MAF: variants seen among roughly 807,000 people sequenced by gnomAD.
The protein encoded by MAF is transcription factor Maf.
In MAF, 10 loss-of-function variants were observed where a neutral mutation model predicts 22.0. The ratio of observed to expected loss-of-function variants is 0.45; its 90% CI spans 0.28 to 0.77. The LOEUF (loss-of-function observed/expected upper bound fraction) is 0.77. Ranked by LOEUF, MAF falls within the 30% of genes least tolerant of loss-of-function variation. MAF has a pLI of 0.12. For synonymous variants in MAF, 337 were observed against 255.8 expected, an observed-to-expected ratio of 1.32 and a Z score of -3.03; for missense variants, 544 against 548.4, an observed-to-expected ratio of 0.99 and a Z score of 0.08.
the MAF span, among the ~76,000 whole-genome samples, chr16:79,214,842 C>T: frequency 6.7e-6 from 1 of 149,220 alleles, no homozygotes; most frequent in Non-Finnish European, 1.5e-5. Flanking sequence ...TTCAGAGTAG[C>T]TGGGATTACA....
At chr16:79,565,222 G>A in the MAF span, among the ~76,000 whole-genome samples, 4 of 152,068 alleles carry the variant, frequency 2.6e-5, no homozygotes, top group Non-Finnish European at 5.9e-5. Flanking sequence ...AGTTGAACCC[G>A]GCCCAATTAC....
At chr16:79,321,673 C>T in the MAF span, among the ~76,000 whole-genome samples, 29,586 of 115,082 alleles carry the variant, frequency 0.26, 4,312 homozygotes, top group Middle Eastern at 0.37. Context: ...TTTTTTGAGA[C>T]GGAGTCTCGC....
the MAF span, among the ~76,000 whole-genome samples, chr16:79,320,163 G>A: frequency 6.6e-6 from 1 of 152,148 alleles, no homozygotes. Flanking sequence ...TGCATATGTG[G>A]ATTTTCTTTG....
At chr16:79,485,076 T>C in the MAF span, among the ~76,000 whole-genome samples, 1 of 152,196 alleles carries the variant, frequency 6.6e-6, no homozygotes, top group Non-Finnish European at 1.5e-5. Flanking sequence ...AAAATTAACC[T>C]GATAAATAAG....
the MAF span, among the ~76,000 whole-genome samples, chr16:79,428,052 A>G: frequency 4.2e-5 from 6 of 141,794 alleles, no homozygotes; most frequent in East Asian, 2.3e-4. Context: ...AGATCGCGCC[A>G]CTGCACTCTA....
the MAF span, among the ~76,000 whole-genome samples, chr16:79,494,753 C>T: frequency 1.6e-4 from 25 of 152,176 alleles, no homozygotes; most frequent in South Asian, 2.5e-3. Flanking sequence ...ATGCAGATCC[C>T]GTAGATGAAG....
the MAF span, among the ~76,000 whole-genome samples, chr16:79,300,804 GTTTT>G: frequency 6.6e-6 from 1 of 151,354 alleles, no homozygotes; most frequent in Non-Finnish European, 1.5e-5. Flanking sequence ...TTTGTGTTCA[GTTTT>G]TTTATTGTTT....
the MAF span, among the ~76,000 whole-genome samples, chr16:79,487,489 G>A: frequency 2.6e-5 from 4 of 151,994 alleles, no homozygotes; most frequent in African/African-American, 9.7e-5. Flanking sequence ...TTAAGTAAAA[G>A]AACCTAAATG....
chr16:79,477,581 G>C, the MAF span, among the ~76,000 whole-genome samples: 1 of 152,142 alleles, frequency 6.6e-6, no homozygotes, highest in Admixed American at 6.5e-5. Flanking sequence ...AACACTTAGA[G>C]CCTTAACATT....
the MAF span, among the ~76,000 whole-genome samples, chr16:79,550,851 C>T: frequency 1.1e-4 from 16 of 151,948 alleles, no homozygotes; most frequent in Non-Finnish European, 1.6e-4. Flanking sequence ...ACCCAGAGGA[C>T]CCCCAGGGAG....
At chr16:79,519,795 G>A in the MAF span, among the ~76,000 whole-genome samples, 12 of 152,378 alleles carry the variant, frequency 7.9e-5, no homozygotes, top group East Asian at 5.8e-4. Context: ...TGTTCACAGC[G>A]CAGGTAGCCA....
chr16:79,595,878 T>C (rs1248777918), intron 1 of MAF: 4 of 1,058,800 alleles, frequency 3.8e-6, no homozygotes, highest in Non-Finnish European at 3.4e-6. Context: ...AAGTAAGGAG[T>C]GGATTTTCTT....
the MAF span, among the ~76,000 whole-genome samples, chr16:79,367,202 T>C: frequency 6.6e-6 from 1 of 152,196 alleles, no homozygotes; most frequent in Non-Finnish European, 1.5e-5. Flanking sequence ...TTTCTGTCAA[T>C]TCTATGGGTG....
chr16:79,528,815 C>G, the MAF span, among the ~76,000 whole-genome samples: 2 of 152,282 alleles, frequency 1.3e-5, no homozygotes, highest in East Asian at 3.9e-4. Flanking sequence ...TATTTACAAT[C>G]ACTAACTACT....
chr16:79,517,550 T>C, the MAF span, among the ~76,000 whole-genome samples: 1 of 150,338 alleles, frequency 6.7e-6, no homozygotes, highest in Non-Finnish European at 1.5e-5. Context: ...GAGTGAGGTT[T>C]TGAGTGGACT....
chr16:79,517,843 G>A, the MAF span, among the ~76,000 whole-genome samples: 3 of 152,226 alleles, frequency 2.0e-5, no homozygotes, highest in Admixed American at 2.0e-4. Flanking sequence ...CCAAAGTGCT[G>A]GAATTACAGG....
At chr16:79,482,681 T>C in the MAF span, among the ~76,000 whole-genome samples, 1 of 152,064 alleles carries the variant, frequency 6.6e-6, no homozygotes, top group African/African-American at 2.4e-5. Flanking sequence ...TGCCCCAGGA[T>C]GGGGTGGTGG....
At chr16:79,441,500 G>A in the MAF span, among the ~76,000 whole-genome samples, 1 of 152,066 alleles carries the variant, frequency 6.6e-6, no homozygotes, top group African/African-American at 2.4e-5. Context: ...GAATACATGG[G>A]GTGGCTGTAT....
In MAF at chr16:79,599,448, C is replaced by T; in HGVS notation, c.455G>A (p.Gly152Asp). Reference sequence around the variant, plus strand: ...GGCGGGGCCCATCTCCTCGCCGCTGCCGCCCAAGGAGGCGCCGGCACCGGC... The same window carrying T: ...GGCGGGGCCCATCTCCTCGCCGCTGTCGCCCAAGGAGGCGCCGGCACCGGC... ...AGAGAGASLGGSGEEMGPAAA... is the reference protein window; with the variant it reads ...AGAGAGASLGDSGEEMGPAAA... The change falls in exon 1 of 2, where the codon GGC becomes GAC. Residue 152 changes from glycine (G) to aspartate (D), a missense_variant. This residue lies in a region of MAF where 342 missense variants were observed against 315.5 expected (regional missense o/e 1.08). Coordinates refer to ENST00000326043, the MANE Select transcript of MAF (RefSeq NM_005360.5). The T allele has an allele frequency of 7.9e-7, 1 of 1,259,584 alleles. No homozygotes were observed. Among genetic ancestry groups the T allele is most frequent in the East Asian group, 3.2e-5 (1 of 31,222 alleles). The allele number at this position is 1,259,584 out of a possible 1,614,324, so 78.0% of individuals were successfully genotyped here. A position where few individuals can be genotyped will look rare whatever the true frequency, so the allele number is the denominator to read the frequency against.
Sources: allele counts gnomAD v4.1 joint callset (sites outside exome capture counted in the v4.1 genomes callset), GRCh38; gene constraint gnomAD v4.1.1; regional missense constraint gnomAD v4.1.1; transcripts MANE v1.5; gene names NCBI Gene and HGNC (gene_info 2026-07-23, HGNC 2026-07-21).